LYPD6B: variants seen among roughly 807,000 people sequenced by gnomAD.
LYPD6B encodes the protein ly6/PLAUR domain-containing protein 6B.
In LYPD6B, 17 loss-of-function variants were observed where a neutral mutation model predicts 22.8. The ratio of observed to expected loss-of-function variants is 0.75; its 90% CI spans 0.51 to 1.12. The LOEUF is 1.12. LYPD6B is among the 50% of genes most tolerant of loss of function. The pLI is 0.00. For missense variants in LYPD6B, 221 were observed against 258.3 expected (o/e 0.86, Z 0.99); for synonymous variants, 106 against 91.6 (o/e 1.16, Z -0.90).
chr2:149,160,395 G>A (rs536003081), intron 2 of LYPD6B: 1 of 460,704 alleles, frequency 2.2e-6, no homozygotes, highest in African/African-American at 2.0e-5. Context: ...GCTACGGCCT[G>A]CCAAATACCC....
At chr2:149,191,220 T>C (rs6718178) in intron 3 of LYPD6B, among the ~76,000 whole-genome samples, 126,432 of 152,064 alleles carry the variant, frequency 0.83, 54,200 homozygotes, top group South Asian at 0.97. Context: ...GTAGCAATAA[T>C]ATGTAAGGAT....
chr2:149,074,820 T>A (rs954453594), intron 1 of LYPD6B, among the ~76,000 whole-genome samples: 4 of 151,978 alleles, frequency 2.6e-5, no homozygotes, highest in Admixed American at 1.3e-4. Flanking sequence ...ATACAATTTT[T>A]TTTCTGAATC....
At chr2:149,075,367 ATATGTT>A (rs565420623) in intron 1 of LYPD6B, among the ~76,000 whole-genome samples, 1 of 152,066 alleles carries the variant, frequency 6.6e-6, no homozygotes, top group Non-Finnish European at 1.5e-5. Flanking sequence ...AGATGGGTCT[ATATGTT>A]TATGGCTGTG....
chr2:149,157,509 G>T (rs1272363206), intron 2 of LYPD6B, among the ~76,000 whole-genome samples: 1 of 152,186 alleles, frequency 6.6e-6, no homozygotes, highest in Non-Finnish European at 1.5e-5. Flanking sequence ...TGAACAAAGT[G>T]GCCTGAATCC....
At chr2:149,124,089 C>G (rs1015792816) in intron 1 of LYPD6B, among the ~76,000 whole-genome samples, 1 of 152,212 alleles carries the variant, frequency 6.6e-6, no homozygotes, top group Non-Finnish European at 1.5e-5. Context: ...TGTAACCAAA[C>G]AGCATACTGA....
chr2:149,170,545 A>G (rs557044006), intron 3 of LYPD6B, among the ~76,000 whole-genome samples: 13 of 152,346 alleles, frequency 8.5e-5, no homozygotes, highest in Non-Finnish European at 1.8e-4. Context: ...CAATATTGAT[A>G]GGCATGTGTG....
chr2:149,072,522 ATTT>A (rs1341480644), intron 1 of LYPD6B, among the ~76,000 whole-genome samples: 20 of 112,350 alleles, frequency 1.8e-4, no homozygotes, highest in Non-Finnish European at 2.7e-4. Flanking sequence ...ATTTTATTTT[ATTT>A]TATTTTATTT....
chr2:149,144,085 G>A (rs932431021), intron 2 of LYPD6B: 1 of 152,228 alleles, frequency 6.6e-6, no homozygotes, highest in African/African-American at 2.4e-5. Context: ...ACTTATCATT[G>A]TGTTAGAACT....
chr2:149,172,180 G>C (rs1333258744), intron 3 of LYPD6B, among the ~76,000 whole-genome samples: 1 of 152,154 alleles, frequency 6.6e-6, no homozygotes, highest in African/African-American at 2.4e-5. Context: ...ATGAGCAAAA[G>C]GGGGAGAAGC....
intron 3 of LYPD6B, among the ~76,000 whole-genome samples, chr2:149,173,714 T>C (rs977304397): frequency 1.3e-5 from 2 of 152,246 alleles, no homozygotes; most frequent in African/African-American, 4.8e-5. Context: ...TTTGTTTGGC[T>C]TGACTTTACG....
chr2:149,099,514 G>A (rs1438743513), intron 1 of LYPD6B, among the ~76,000 whole-genome samples: 4 of 138,888 alleles, frequency 2.9e-5, no homozygotes, highest in Non-Finnish European at 4.7e-5. Flanking sequence ...GAGGCAATCC[G>A]TGTTCTGAGA....
At chr2:149,093,445 G>A (rs1222312189) in intron 1 of LYPD6B, among the ~76,000 whole-genome samples, 3 of 152,174 alleles carry the variant, frequency 2.0e-5, no homozygotes, top group African/African-American at 7.2e-5. Context: ...CACAGTATTC[G>A]AAAAGGAAGT....
chr2:149,080,861 A>C (rs927229968), intron 1 of LYPD6B, among the ~76,000 whole-genome samples: 4 of 130,462 alleles, frequency 3.1e-5, no homozygotes, highest in African/African-American at 1.1e-4. Context: ...AAAAAAAAAA[A>C]AAAAAACCAC....
At chr2:149,147,542 C>T (rs1175483891) in intron 2 of LYPD6B, among the ~76,000 whole-genome samples, 1 of 151,988 alleles carries the variant, frequency 6.6e-6, no homozygotes, top group Non-Finnish European at 1.5e-5. Context: ...GAGATAGGGC[C>T]TTGCTCTGTC....
intron 2 of LYPD6B, among the ~76,000 whole-genome samples, chr2:149,150,808 G>A (rs1689318396): frequency 6.6e-6 from 1 of 151,840 alleles, no homozygotes; most frequent in Admixed American, 6.6e-5. Context: ...AACTCATTTG[G>A]CTCGTGTACT....
At chr2:149,107,082 A>G (rs1686514775) in intron 1 of LYPD6B, among the ~76,000 whole-genome samples, 1 of 152,216 alleles carries the variant, frequency 6.6e-6, no homozygotes, top group South Asian at 2.1e-4. Flanking sequence ...AATAACTAAT[A>G]ATAGAACAAT....
chr2:149,122,530 A>G (rs1439070815), intron 1 of LYPD6B, among the ~76,000 whole-genome samples: 1 of 150,182 alleles, frequency 6.7e-6, no homozygotes, highest in Non-Finnish European at 1.5e-5. Context: ...TTAACTCGTC[A>G]TTTACATTAG....
intron 5 of LYPD6B, among the ~76,000 whole-genome samples, chr2:149,209,273 G>A (rs925541645): frequency 2.0e-5 from 3 of 152,110 alleles, no homozygotes; most frequent in African/African-American, 4.8e-5. Context: ...GAGGGTTGGG[G>A]ACAAGAGTAG....
intron 1 of LYPD6B, among the ~76,000 whole-genome samples, chr2:149,106,855 C>G (rs34426364): frequency 0.37 from 55,450 of 151,628 alleles, 10,514 homozygotes; most frequent in Non-Finnish European, 0.39. Flanking sequence ...TTTTTTTACT[C>G]TCTTAAAGTA....
Sources: allele counts gnomAD v4.1 joint callset (sites outside exome capture counted in the v4.1 genomes callset), GRCh38; gene constraint gnomAD v4.1.1; transcripts MANE v1.5; gene names NCBI Gene and HGNC (gene_info 2026-07-23, HGNC 2026-07-21).